The following TBL1X variants were observed in gnomAD, a reference collection of about 807,000 sequenced individuals.
TBL1X encodes transducin beta like 1 X-linked, also known as F-box-like/WD repeat-containing protein TBL1X.
A neutral mutation model predicts 50.7 loss-of-function variants in TBL1X; 10 were observed. The observed-to-expected ratio is 0.20, with a 90% confidence interval of 0.12 to 0.33. The LOEUF (loss-of-function observed/expected upper bound fraction) is 0.33. Among genes scored for constraint, TBL1X ranks in the 10% least tolerant of loss-of-function variants. The probability of loss-of-function intolerance (pLI) is 1.00; values close to 1 mark genes in which losing one functional copy is unlikely to be tolerated. For missense variants in TBL1X, 340 were observed against 504.4 expected, an observed-to-expected ratio of 0.67 and a Z score of 3.12; for synonymous variants, 190 against 214.7, an observed-to-expected ratio of 0.88 and a Z score of 1.01.
intron 2 of TBL1X, among the ~76,000 whole-genome samples, chrX:9,508,178 T>G (rs2082035627): frequency 8.9e-6 from 1 of 112,142 alleles, no homozygotes; most frequent in Non-Finnish European, 1.9e-5. Flanking sequence ...GGGAGAAAAC[T>G]TCTGCAATCT....
chrX:9,577,624 G>A (rs891492315), intron 2 of TBL1X, among the ~76,000 whole-genome samples: 2 of 112,043 alleles, frequency 1.8e-5, no homozygotes, highest in Admixed American at 1.9e-4. Context: ...TGCACAGGAC[G>A]GCCTCATAAC....
intron 2 of TBL1X, chrX:9,636,525 A>AACAACAACAACAACC (rs943883575): frequency 4.8e-5 from 5 of 105,050 alleles, no homozygotes; most frequent in Non-Finnish European, 7.9e-5. Flanking sequence ...CAACAACAAC[A>AACAACAACAACAACC]ACCATGTATG....
chrX:9,510,759 T>G (rs2082051484), intron 2 of TBL1X, among the ~76,000 whole-genome samples: 1 of 112,191 alleles, frequency 8.9e-6, no homozygotes, highest in African/African-American at 3.2e-5. Context: ...TTGAAGGCCT[T>G]AAGAAAAAGA....
chrX:9,605,976 T>C (rs2082580883), intron 2 of TBL1X, among the ~76,000 whole-genome samples: 1 of 112,358 alleles, frequency 8.9e-6, no homozygotes, highest in East Asian at 2.8e-4. Context: ...AGGTGAAAAC[T>C]ACAAACGTTA....
At chrX:9,516,332 CAA>C (rs747666063) in intron 2 of TBL1X, among the ~76,000 whole-genome samples, 33 of 111,846 alleles carry the variant, frequency 3.0e-4, no homozygotes, top group Non-Finnish European at 1.9e-4. Flanking sequence ...CAAAATAAAA[CAA>C]AAGAGAGAAA....
chrX:9,623,819 A>G (rs893259574), intron 2 of TBL1X, among the ~76,000 whole-genome samples: 3 of 112,249 alleles, frequency 2.7e-5, no homozygotes, highest in Non-Finnish European at 5.6e-5. Context: ...AGGTGCATCA[A>G]GCTGTCCACC....
chrX:9,639,696 G>A (rs929094036), intron 2 of TBL1X: 1 of 111,615 alleles, frequency 9.0e-6, no homozygotes. Context: ...TAGAGGAGCC[G>A]GAGGAGAAAG....
chrX:9,513,115 GAAAC>G (rs1308801520), intron 2 of TBL1X, among the ~76,000 whole-genome samples: 7 of 110,807 alleles, frequency 6.3e-5, no homozygotes, highest in African/African-American at 1.6e-4. Context: ...CACAGTTGAG[GAAAC>G]AAACAAAGCA....
chrX:9,690,033 C>T (rs1210380415), intron 7 of TBL1X, among the ~76,000 whole-genome samples: 5 of 112,264 alleles, frequency 4.5e-5, no homozygotes, highest in Non-Finnish European at 1.9e-5. Context: ...AGCACCTTTA[C>T]GAAAGACATA....
intron 7 of TBL1X, among the ~76,000 whole-genome samples, chrX:9,689,100 G>A (rs910030631): frequency 1.8e-5 from 2 of 113,558 alleles, no homozygotes; most frequent in Non-Finnish European, 3.7e-5. Flanking sequence ...GTTTGTGTGC[G>A]TGTGTGTGCG....
At chrX:9,581,484 C>T (rs2082441646) in intron 2 of TBL1X, among the ~76,000 whole-genome samples, 1 of 111,251 alleles carries the variant, frequency 9.0e-6, no homozygotes, top group African/African-American at 3.3e-5. Context: ...GGCACCCCTC[C>T]GCAACTGCCA....
chrX:9,471,571 G>A (rs1414009601), intron 1 of TBL1X, among the ~76,000 whole-genome samples: 1 of 112,130 alleles, frequency 8.9e-6, no homozygotes, highest in East Asian at 2.8e-4. Flanking sequence ...ATTAAAATAA[G>A]CGATATTTTG....
At chrX:9,497,797 C>T (rs1018912676) in intron 1 of TBL1X, among the ~76,000 whole-genome samples, 11 of 88,023 alleles carry the variant, frequency 1.2e-4, no homozygotes, top group African/African-American at 3.8e-4. Context: ...TCCCTCTCTC[C>T]GTCTCTTCCT....
rs769704725 is a variant in TBL1X, at chrX:9,568,626, ATGTC to A, written c.-131+66785_-131+66788del. On this transcript the variant is annotated intron_variant, in intron 2 of 17. Transcript: ENST00000645353. Reference sequence around the variant, plus strand: ...TGTGTGTGTGTGTGTGGTGTGCTGTATGTCTGTCTGTGCAAGGTGCTATGTGTAT... The same window carrying A: ...TGTGTGTGTGTGTGTGGTGTGCTGTATGTCTGTGCAAGGTGCTATGTGTAT... Among the ~76,000 whole-genome samples, 184 of 64,972 alleles carry A rather than the reference ATGTC, an allele frequency of 2.8e-3. No homozygotes were observed. The Middle Eastern group carries it at 0.058, about 20-fold the overall frequency. 56.4% of individuals were successfully genotyped at this position (64,972 alleles called of 115,157 possible).
chrX:9,623,837 TCA>T (rs2082679397), intron 2 of TBL1X, among the ~76,000 whole-genome samples: 2 of 112,304 alleles, frequency 1.8e-5, no homozygotes, highest in Admixed American at 1.9e-4. Context: ...ACCTAATTAC[TCA>T]CACCATCCTA....
At chrX:9,703,837 G>A (rs1419711913) in intron 12 of TBL1X, among the ~76,000 whole-genome samples, 1 of 112,201 alleles carries the variant, frequency 8.9e-6, no homozygotes, top group Non-Finnish European at 1.9e-5. Flanking sequence ...GGCAGAACGA[G>A]GAATGAGGTC....
At chrX:9,615,022 C>G (rs965988032) in intron 2 of TBL1X, among the ~76,000 whole-genome samples, 5 of 111,581 alleles carry the variant, frequency 4.5e-5, no homozygotes, top group Non-Finnish European at 9.4e-5. Flanking sequence ...GGAAGTCATT[C>G]GCAGCTATAA....
chrX:9,578,549 G>A (rs2032952014), intron 2 of TBL1X, among the ~76,000 whole-genome samples: 1 of 111,856 alleles, frequency 8.9e-6, no homozygotes, highest in African/African-American at 3.3e-5. Flanking sequence ...AGACGGGACA[G>A]CAATAGAGCT....
At chrX:9,561,035 C>T (rs1159265640) in intron 2 of TBL1X, among the ~76,000 whole-genome samples, 2 of 111,658 alleles carry the variant, frequency 1.8e-5, no homozygotes, top group African/African-American at 3.3e-5. Context: ...CACAGTCACC[C>T]GCTGTTGGGA....
Sources: gnomAD v4.1 joint callset for allele counts (sites outside exome capture counted in the v4.1 genomes callset) on GRCh38, gnomAD v4.1.1 for gene constraint, MANE v1.5 for transcripts, NCBI Gene and HGNC (gene_info 2026-07-23, HGNC 2026-07-21) for gene names.